UTP4: variants seen among roughly 807,000 people sequenced by gnomAD.
UTP4 encodes UTP4 small subunit processome component.
A neutral mutation model predicts 82.4 loss-of-function variants in UTP4; 45 were observed. The ratio of observed to expected loss-of-function variants is 0.55; its 90% CI spans 0.43 to 0.70. The LOEUF (loss-of-function observed/expected upper bound fraction) is 0.70. Ranked by LOEUF, UTP4 falls within the 30% of genes least tolerant of loss-of-function variation. The probability of loss-of-function intolerance (pLI) is 0.00; values close to 1 mark genes in which losing one functional copy is unlikely to be tolerated. For synonymous variants in UTP4, 348 were observed against 300.3 expected (o/e 1.16, Z -1.64); for missense variants, 819 against 858.3 (o/e 0.95, Z 0.57).
At chr16:69,138,167 T>C (rs939955062) in intron 4 of UTP4, 4 of 458,666 alleles carry the variant, frequency 8.7e-6, no homozygotes, top group Non-Finnish European at 3.9e-6. Context: ...ACTTTTGTGA[T>C]GTTTTAACAA....
rs751780705 is a variant in UTP4 at position 69,150,694 on chromosome 16, C to T, written c.896C>T (p.Ala299Val). Reference sequence around the variant, plus strand: ...CGCACTGTGGCCCACAGCCCAACAGCGCTGATATCTGGAGGTGGGTTCCCC... The same window carrying T: ...CGCACTGTGGCCCACAGCCCAACAGTGCTGATATCTGGAGGTGGGTTCCCC... ...DVRTVAHSPT[A>V]LISGGTDTHL... Residue 299 changes from alanine to valine, a missense_variant, in exon 7 of 17, where the codon GCG (alanine) becomes GTG (valine). Physicochemically the swap from Ala to Val is moderately conservative, Grantham distance 64 (BLOSUM62 0). Coordinates refer to ENST00000314423, the MANE Select transcript of UTP4 (RefSeq NM_032830.3). The T allele has an allele frequency of 6.2e-6, 10 of 1,614,222 alleles. No homozygotes were observed. Among genetic ancestry groups the T allele is most frequent in the Admixed American group, 3.3e-5 (2 of 60,022 alleles).
chr16:69,157,111 T>C lies in UTP4; in HGVS notation c.1315T>C (p.Ser439Pro), dbSNP rs1316842073. Residue 439 changes from serine to proline, a missense_variant, in exon 12 of 17, where the codon TCT (serine) becomes CCT (proline). Transcript: ENST00000314423. ...RVSKMPAFLR[S>P]ALQILFSEDS... ...TTCCAAAATGCCAGCATTCCTTCGC[T>C]CTGCCCTTCAGATTTTGTTTTCTGA... The C allele has an allele frequency of 3.1e-6, 5 of 1,614,268 alleles. No individual in the cohort carries two copies. The highest frequency in any genetic ancestry group is 1.3e-5 in the African/African-American group (1 of 75,078).
At chr16:69,154,703 CT>C (rs994496260) in intron 10 of UTP4, among the ~76,000 whole-genome samples, 1 of 136,226 alleles carries the variant, frequency 7.3e-6, no homozygotes, top group African/African-American at 2.7e-5. Context: ...AAATAATGTG[CT>C]TTTATTTATT....
rs1398005241 is a variant in UTP4, at chr16:69,143,527, A to G, written c.738+138A>G. 6 of 779,350 alleles carry G rather than the reference A, an allele frequency of 7.7e-6. No individual in the cohort carries two copies. The East Asian group carries it at 1.1e-4, about 14-fold the overall frequency. 48.3% of individuals were successfully genotyped at this position (779,350 alleles called of 1,614,324 possible). On this transcript the variant is annotated intron_variant, in intron 6 of 16. Transcript: ENST00000314423. ...GAGGAAGATGAGTTTAGGAAAATGC[A>G]TCTGAAAACCCACATTGTTTCCATA...
rs144353185 is a variant in UTP4, at chr16:69,157,579, G to A, written c.1444+339G>A. Among the ~76,000 whole-genome samples the A allele has an allele frequency of 7.7e-3, 1,167 of 152,136 alleles. 17 individuals carry two copies. The highest frequency in any genetic ancestry group is 0.025 in the African/African-American group (1,051 of 41,514). On this transcript the variant is annotated intron_variant, in intron 12 of 16. Coordinates refer to ENST00000314423, the MANE Select transcript of UTP4 (RefSeq NM_032830.3). ...AGAAATAGCTACCATTAATATTTTGGTATTTTCTAATATGTATTTGTATAT... is the reference window on the plus strand; with the variant it reads ...AGAAATAGCTACCATTAATATTTTGATATTTTCTAATATGTATTTGTATAT...
At chr16:69,168,799 A>C in intron 16 of UTP4, 22 bp from the exon 17 acceptor site, 10 of 1,459,226 alleles carry the variant, frequency 6.9e-6, no homozygotes, top group Non-Finnish European at 9.6e-6. Context: ...GTCCTGATAG[A>C]ATAATTATCA....
chr16:69,136,937 C>A, intron 3 of UTP4, 50 bp downstream of exon 3: 1 of 1,467,998 alleles, frequency 6.8e-7, no homozygotes, highest in Non-Finnish European at 9.6e-7. Flanking sequence ...CTCGTGCCTG[C>A]TCAGACTTTC....
chr16:69,168,881 G>A lies in UTP4; in HGVS notation c.2005G>A (p.Asp669Asn), dbSNP rs899539718. The A allele has an allele frequency of 6.8e-6, 11 of 1,613,972 alleles. No homozygotes were observed. In the African/African-American group the frequency reaches 9.3e-5, roughly 14 times the overall value. The stretch of plus-strand genomic sequence containing the variant: ...ACTCGTGGCAGTAGAACGGCCTCTG[G>A]ATGACATCATTGCTCAGCTCCCACC... ...RTLVAVERPL[D>N]DIIAQLPPPI... The change falls in exon 17 of 17, where the codon GAT becomes AAT. Residue 669 changes from aspartate (D) to asparagine (N), a missense_variant. Physicochemically the swap from Asp to Asn is conservative, Grantham distance 23 (BLOSUM62 1). Transcript: ENST00000314423.
intron 10 of UTP4, 64 bp downstream of exon 10, chr16:69,154,521 T>G: frequency 8.2e-7 from 1 of 1,218,988 alleles, no homozygotes; most frequent in Non-Finnish European, 1.2e-6. Context: ...ATTCCCATTC[T>G]GAATTTTGAG....
At chr16:69,154,347 ACT>A in intron 9 of UTP4, 44 bp from the exon 10 acceptor site, 1 of 1,432,386 alleles carries the variant, frequency 7.0e-7, no homozygotes, top group East Asian at 2.3e-5. Flanking sequence ...ATGTACAAAT[ACT>A]CTTTCTTTCA....
intron 16 of UTP4, chr16:69,167,692 T>C: frequency 6.2e-6 from 1 of 162,180 alleles, no homozygotes; most frequent in Middle Eastern, 3.2e-3. Flanking sequence ...ATGACTCAAA[T>C]GTGATTAGCT....
intron 8 of UTP4, among the ~76,000 whole-genome samples, 185 bp downstream of exon 8, chr16:69,151,089 C>T (rs1342073362): frequency 6.6e-6 from 1 of 151,856 alleles, no homozygotes; most frequent in African/African-American, 2.4e-5. Flanking sequence ...TCACCACAAC[C>T]TCCACCTCCC....
intron 4 of UTP4, chr16:69,138,990 A>G (rs1245747684): frequency 9.0e-6 from 1 of 111,332 alleles, no homozygotes; most frequent in African/African-American, 3.6e-5. Flanking sequence ...TTTTCCTGAG[A>G]TGGAGTCTTG....
chr16:69,149,619 C>A (rs965328425), intron 6 of UTP4, among the ~76,000 whole-genome samples: 1 of 152,190 alleles, frequency 6.6e-6, no homozygotes, highest in African/African-American at 2.4e-5. Context: ...TCTCCAACTT[C>A]TGGGCTCAAG....
At chr16:69,134,559 A>T (rs1019539902) in intron 2 of UTP4, among the ~76,000 whole-genome samples, 5 of 151,724 alleles carry the variant, frequency 3.3e-5, no homozygotes, top group African/African-American at 1.2e-4. Context: ...GTGGAAAGGG[A>T]TGATTTACTG....
intron 10 of UTP4, 118 bp downstream of exon 10, chr16:69,154,575 T>G (rs1347537059): frequency 1.2e-6 from 1 of 810,842 alleles, no homozygotes; most frequent in Non-Finnish European, 2.1e-6. Flanking sequence ...CTAAAACTAT[T>G]TGAATGAAGG....
At chr16:69,145,765 T>C (rs1963092799) in intron 6 of UTP4, among the ~76,000 whole-genome samples, 1 of 152,076 alleles carries the variant, frequency 6.6e-6, no homozygotes, top group Admixed American at 6.6e-5. Flanking sequence ...TACACAGTCA[T>C]GACCCTGCAA....
intron 3 of UTP4, 29 bp downstream of exon 3, chr16:69,136,916 C>T (rs1024782774): frequency 4.4e-6 from 7 of 1,599,446 alleles, no homozygotes; most frequent in Non-Finnish European, 5.1e-6. Flanking sequence ...GTAATTCAAA[C>T]CAAAATTTCT....
intron 13 of UTP4, among the ~76,000 whole-genome samples, chr16:69,162,692 A>AC (rs1385663213): frequency 6.7e-6 from 1 of 148,302 alleles, no homozygotes; most frequent in African/African-American, 2.5e-5. Context: ...AGCCTGGGAG[A>AC]AAGAGTGAAA....
Sources: allele counts gnomAD v4.1 joint callset (sites outside exome capture counted in the v4.1 genomes callset), GRCh38; gene constraint gnomAD v4.1.1; transcripts MANE v1.5; gene names NCBI Gene and HGNC (gene_info 2026-07-23, HGNC 2026-07-21).